SH3GL2: variants seen among roughly 807,000 people sequenced by gnomAD.
SH3GL2 encodes SH3 domain containing GRB2 like 2, endophilin A1, also known as endophilin-A1.
SH3GL2 carries 24 observed loss-of-function variants against 46.0 expected under a neutral mutation model. The ratio of observed to expected loss-of-function variants is 0.52; its 90% CI spans 0.38 to 0.73. SH3GL2 has a LOEUF of 0.73. Among genes scored for constraint, SH3GL2 ranks in the 30% least tolerant of loss-of-function variants. SH3GL2 has a pLI of 0.00. For missense variants in SH3GL2, 413 were observed against 424.2 expected (o/e 0.97, Z 0.23); for synonymous variants, 196 against 147.1 (o/e 1.33, Z -2.40).
Position 17,795,630 on chromosome 9 carries a change from A to G in SH3GL2, c.946A>G (p.Ile316Val), listed in dbSNP as rs1489006766. 3.1e-6 allele frequency: 5 copies of G among 1,613,810 alleles called. No individual in the cohort carries two copies. Among genetic ancestry groups the G allele is most frequent in the Non-Finnish European group, 3.4e-6 (4 of 1,179,704 alleles). The change falls in exon 9 of 9, where the codon ATC becomes GTC. Residue 316 changes from isoleucine to valine, a missense_variant. By Grantham distance (29) the Ile-to-Val change is conservative (BLOSUM62 3). Around this residue, in one of 3 missense-constraint regions of SH3GL2, gnomAD observed 248 missense variants for 215.0 expected, o/e 1.15. Coordinates refer to ENST00000380607, the MANE Select transcript of SH3GL2 (RefSeq NM_003026.5). Reference sequence around the variant, plus strand: ...GGAGTTGGGATTTAAAGAGGGCGATATCATCACACTCACTAACCAAATTGA... The same window carrying G: ...GGAGTTGGGATTTAAAGAGGGCGATGTCATCACACTCACTAACCAAATTGA... ...EGELGFKEGDIITLTNQIDEN... is the reference protein window; with the variant it reads ...EGELGFKEGDVITLTNQIDEN...
chr9:17,663,419 G>A (rs1820269758), intron 1 of SH3GL2, among the ~76,000 whole-genome samples: 1 of 151,930 alleles, frequency 6.6e-6, no homozygotes, highest in Non-Finnish European at 1.5e-5. Flanking sequence ...CTACTGGTTT[G>A]GCCATTATGC....
At chr9:17,718,862 A>T (rs1409718179) in intron 1 of SH3GL2, among the ~76,000 whole-genome samples, 1 of 152,088 alleles carries the variant, frequency 6.6e-6, no homozygotes, top group East Asian at 1.9e-4. Context: ...TTTGAGGAAC[A>T]CTGGTGGAGG....
chr9:17,653,894 C>T (rs983114148), intron 1 of SH3GL2: 2 of 965,310 alleles, frequency 2.1e-6, no homozygotes, highest in Non-Finnish European at 2.5e-6. Flanking sequence ...ATGTGATGAC[C>T]TATCTTCAAA....
intron 3 of SH3GL2, among the ~76,000 whole-genome samples, chr9:17,763,239 A>G (rs1017098315): frequency 3.9e-5 from 6 of 152,178 alleles, no homozygotes; most frequent in Admixed American, 2.6e-4. Flanking sequence ...AGTATAATGG[A>G]ACTGTGCTCT....
intron 3 of SH3GL2, among the ~76,000 whole-genome samples, chr9:17,778,651 A>T (rs547947833): frequency 6.6e-6 from 1 of 152,094 alleles, no homozygotes; most frequent in Non-Finnish European, 1.5e-5. Flanking sequence ...AGAGTAGATT[A>T]TAGGGGGCAA....
chr9:17,611,961 A>G (rs1045518705), intron 1 of SH3GL2, among the ~76,000 whole-genome samples: 3 of 152,310 alleles, frequency 2.0e-5, no homozygotes, highest in African/African-American at 4.8e-5. Flanking sequence ...TTTTGTGTGC[A>G]TCATCTTCTT....
chr9:17,760,576 A>T (rs969721113), intron 2 of SH3GL2, among the ~76,000 whole-genome samples: 1 of 152,160 alleles, frequency 6.6e-6, no homozygotes, highest in East Asian at 1.9e-4. Context: ...AACAAACAGA[A>T]AATTTCTCCA....
chr9:17,670,622 T>G (rs1213586249), intron 1 of SH3GL2, among the ~76,000 whole-genome samples: 1 of 152,200 alleles, frequency 6.6e-6, no homozygotes, highest in East Asian at 1.9e-4. Context: ...ACAAGTAGCA[T>G]TTTCTTTGTT....
intron 1 of SH3GL2, among the ~76,000 whole-genome samples, chr9:17,607,165 T>C (rs928529526): frequency 3.3e-5 from 5 of 152,210 alleles, no homozygotes; most frequent in African/African-American, 1.2e-4. Context: ...ATTTCATAAT[T>C]GTGTGAACAT....
chr9:17,616,097 A>AATCCTAT (rs1286072242), intron 1 of SH3GL2, among the ~76,000 whole-genome samples: 4 of 152,186 alleles, frequency 2.6e-5, no homozygotes, highest in African/African-American at 9.7e-5. Flanking sequence ...CTTACCCATT[A>AATCCTAT]ACACTTATTC....
chr9:17,745,549 T>C (rs751494875), intron 1 of SH3GL2, among the ~76,000 whole-genome samples: 1 of 152,118 alleles, frequency 6.6e-6, no homozygotes, highest in Non-Finnish European at 1.5e-5. Context: ...ATGGAATGGG[T>C]GACATCTGGT....
chr9:17,676,443 T>G (rs1411478498), intron 1 of SH3GL2, among the ~76,000 whole-genome samples: 1 of 152,032 alleles, frequency 6.6e-6, no homozygotes, highest in Non-Finnish European at 1.5e-5. Context: ...CTGTCTCTAC[T>G]GAAAATACTA....
chr9:17,687,090 T>C (rs1375788887), intron 1 of SH3GL2, among the ~76,000 whole-genome samples: 2 of 152,084 alleles, frequency 1.3e-5, no homozygotes, highest in African/African-American at 2.4e-5. Flanking sequence ...AAGCTGGTAA[T>C]AGTAAGAATT....
chr9:17,598,334 C>T (rs142547113), intron 1 of SH3GL2, among the ~76,000 whole-genome samples: 1 of 152,316 alleles, frequency 6.6e-6, no homozygotes, highest in East Asian at 1.9e-4. Context: ...AAGCTAGGGT[C>T]ATGGAACATC....
intron 1 of SH3GL2, among the ~76,000 whole-genome samples, chr9:17,618,955 T>G (rs77321872): frequency 0.092 from 13,970 of 152,158 alleles, 1,359 homozygotes; most frequent in African/African-American, 0.25. Context: ...TAGTAACGTT[T>G]ATTGATTTTT....
chr9:17,644,154 A>G (rs12000587), intron 1 of SH3GL2, among the ~76,000 whole-genome samples: 25,223 of 151,800 alleles, frequency 0.17, 2,319 homozygotes, highest in African/African-American at 0.24. Context: ...ATGGTAGTTT[A>G]TATTTCTGTG....
At chr9:17,597,893 C>T (rs1393962868) in intron 1 of SH3GL2, among the ~76,000 whole-genome samples, 1 of 152,182 alleles carries the variant, frequency 6.6e-6, no homozygotes, top group Non-Finnish European at 1.5e-5. Context: ...TCTTAACAAA[C>T]AGTAAGCATT....
intron 1 of SH3GL2, among the ~76,000 whole-genome samples, chr9:17,622,286 A>G (rs1162032445): frequency 1.3e-5 from 2 of 152,202 alleles, no homozygotes; most frequent in African/African-American, 2.4e-5. Flanking sequence ...GTCATCAACT[A>G]GGAGAATCGT....
intron 1 of SH3GL2, among the ~76,000 whole-genome samples, chr9:17,741,931 G>A (rs901424812): frequency 9.9e-5 from 15 of 152,130 alleles, no homozygotes; most frequent in African/African-American, 2.9e-4. Flanking sequence ...CTGGGTGGGC[G>A]TTTTTGGCAA....
Sources: allele counts gnomAD v4.1 joint callset (sites outside exome capture counted in the v4.1 genomes callset), GRCh38; gene constraint gnomAD v4.1.1; regional missense constraint gnomAD v4.1.1; transcripts MANE v1.5; gene names NCBI Gene and HGNC (gene_info 2026-07-23, HGNC 2026-07-21).